MYH2: variants seen among roughly 807,000 people sequenced by gnomAD.
MYH2 encodes myosin heavy chain 2, also known as myosin-2.
MYH2 carries 139 observed loss-of-function variants against 228.1 expected under a neutral mutation model. That is an observed-to-expected ratio of 0.61 (90% CI 0.53 to 0.70). The LOEUF (loss-of-function observed/expected upper bound fraction) is 0.70, where lower values mean the gene tolerates loss of function less well. MYH2 is among the 30% of genes least tolerant of loss of function. The pLI is 0.00. For missense variants in MYH2, 1,809 were observed against 2,357.5 expected (o/e 0.77, Z 4.82); for synonymous variants, 796 against 871.1 (o/e 0.91, Z 1.52).
intron 22 of MYH2, among the ~76,000 whole-genome samples, chr17:10,530,913 A>G (rs765299542): frequency 1.4e-4 from 22 of 152,226 alleles, no homozygotes; most frequent in Non-Finnish European, 2.5e-4. Context: ...AGAAAAAAAT[A>G]TGACTTTATG....
rs1416226005 is a variant in MYH2, at chr17:10,533,306, T to C, written c.2420A>G (p.Tyr807Cys). 1 of 1,614,180 alleles carries C rather than the reference T, an allele frequency of 6.2e-7. No homozygotes were observed. Among genetic ancestry groups the C allele is most frequent in the South Asian group, 1.1e-5 (1 of 91,078 alleles). Reference sequence around the variant, plus strand: ...ATACCTTCTCTCCACCATCCTCTGGTACTCCACTCTTGCCAAGAACCCTCT... The same window carrying C: ...ATACCTTCTCTCCACCATCCTCTGGCACTCCACTCTTGCCAAGAACCCTCT... Reference protein sequence around the residue: ...RCRGFLARVEYQRMVERREAI... With the variant: ...RCRGFLARVECQRMVERREAI... Residue 807 changes from tyrosine (Y) to cysteine (C), a missense_variant, in exon 21 of 40, where the codon TAC (tyrosine) becomes TGC (cysteine). Physicochemically the swap from Tyr to Cys is radical, Grantham distance 194. This residue lies in a region of MYH2 where 276 missense variants were observed against 344.2 expected (regional missense o/e 0.80). Coordinates refer to ENST00000245503, the MANE Select transcript of MYH2 (RefSeq NM_017534.6).
chr17:10,541,802 C>T (rs1597456742), intron 10 of MYH2, among the ~76,000 whole-genome samples: 1 of 152,136 alleles, frequency 6.6e-6, no homozygotes, highest in African/African-American at 2.4e-5. Flanking sequence ...CCAGCCAGCA[C>T]TTAGGAAATA....
intron 4 of MYH2, among the ~76,000 whole-genome samples, chr17:10,547,067 G>T (rs940649199): frequency 1.3e-5 from 2 of 152,082 alleles, no homozygotes; most frequent in African/African-American, 2.4e-5. Context: ...CTCCAGCCTG[G>T]GACACAGAGC....
intron 10 of MYH2, among the ~76,000 whole-genome samples, chr17:10,540,947 G>A (rs543342474): frequency 1.3e-5 from 2 of 152,214 alleles, no homozygotes; most frequent in African/African-American, 4.8e-5. Flanking sequence ...AAATTGTGAC[G>A]ATTTCATGGA....
intron 19 of MYH2, among the ~76,000 whole-genome samples, chr17:10,534,593 G>T (rs2073461346): frequency 6.6e-6 from 1 of 152,182 alleles, no homozygotes; most frequent in African/African-American, 2.4e-5. Context: ...AATTCCACAA[G>T]GTGCTTAAAA....
Position 10,545,035 on chromosome 17 carries a change from A to G in MYH2, c.505+311T>C, listed in dbSNP as rs62060666. Among the ~76,000 whole-genome samples, 61,099 of 150,548 alleles carry G rather than the reference A, an allele frequency of 0.41. 13,356 individuals carry two copies. Among genetic ancestry groups the G allele is most frequent in the East Asian group, 0.83 (4,294 of 5,152 alleles). The stretch of plus-strand genomic sequence containing the variant: ...CATGAGTGTGTGTGTGTGTGTGTAT[A>G]TATACATACACAGAAATATTTGTAT... On this transcript the variant is annotated intron_variant, in intron 5 of 39. Coordinates refer to ENST00000245503, the MANE Select transcript of MYH2 (RefSeq NM_017534.6).
intron 39 of MYH2, among the ~76,000 whole-genome samples, chr17:10,521,751 T>C (rs2073288073): frequency 6.6e-6 from 1 of 152,098 alleles, no homozygotes; most frequent in African/African-American, 2.4e-5. Flanking sequence ...ATGCTTGCTA[T>C]AAGATGATGA....
intron 17 of MYH2, among the ~76,000 whole-genome samples, chr17:10,536,310 T>C (rs989471640): frequency 2.0e-5 from 3 of 152,024 alleles, no homozygotes; most frequent in South Asian, 2.1e-4. Flanking sequence ...CCAAAACCTA[T>C]TGAAATAAAA....
In MYH2 at chr17:10,521,293, A is replaced by G; in HGVS notation, c.5813T>C (p.Ile1938Thr). 12 of 1,613,880 alleles carry G rather than the reference A, an allele frequency of 7.4e-6. No individual in the cohort carries two copies. Among genetic ancestry groups the G allele is most frequent in the Non-Finnish European group, 1.0e-5 (12 of 1,180,014 alleles). ...ATCAGGACATGATCACTCTTCACTT[A>G]TGACTTTTGTGTGAACCTCCCGGCT... ...VKSREVHTKV[I>T]SEE The change falls in exon 40 of 40, where the codon ATA (isoleucine) becomes ACA (threonine). Residue 1938 changes from isoleucine to threonine, a missense_variant. Physicochemically the swap from Ile to Thr is moderately conservative, Grantham distance 89. Around this residue, in one of 9 missense-constraint regions of MYH2, gnomAD observed 278 missense variants for 308.5 expected, o/e 0.90. Coordinates refer to ENST00000245503, the MANE Select transcript of MYH2 (RefSeq NM_017534.6).
rs139196902 is a variant in MYH2, at chr17:10,533,527, A to G, written c.2286T>C (p.Tyr762=). Residue 762 remains tyrosine (Y), a synonymous_variant, in exon 20 of 40, where the codon TAT becomes TAC. Coordinates refer to ENST00000245503, the MANE Select transcript of MYH2 (RefSeq NM_017534.6). ...LASIDIDHTQ[Y]KFGHTKVFFK... is the part of the protein sequence containing the mutation. The stretch of plus-strand genomic sequence containing the variant: ...AAATTACCTTGGTGTGCCCAAATTT[A>G]TACTGGGTGTGGTCAATGTCGATGG... 2.0e-5 allele frequency: 33 copies of G among 1,614,074 alleles called. No homozygotes were observed. In the African/African-American group the frequency reaches 4.4e-4, roughly 22 times the overall value.
chr17:10,525,494 C>A lies in MYH2; in HGVS notation c.4494G>T (p.Leu1498Phe). ...CTCGCTTCAGGGTTTCTAGCTGATC[C>A]AAAGATTCCTCATAGGCATTCTTTA... ...FKIKNAYEES[L>F]DQLETLKREN... The change falls in exon 32 of 40, where the codon TTG (leucine) becomes TTT (phenylalanine). Residue 1498 changes from leucine (L) to phenylalanine (F), a missense_variant. Coordinates refer to ENST00000245503, the MANE Select transcript of MYH2 (RefSeq NM_017534.6). This position sits in a 1 kb window ranked among gnomAD's most constrained non-coding sequence, Gnocchi z 4.2. 1 of 1,614,174 alleles carries A rather than the reference C, an allele frequency of 6.2e-7. No individual in the cohort carries two copies. The highest frequency in any genetic ancestry group is 1.1e-5 in the South Asian group (1 of 91,070).
Position 10,524,961 on chromosome 17 carries a change from A to G in MYH2, c.4767T>C (p.Ile1589=). ...DRKIAEKDEE[I]DQLKRNHIRI... Reference sequence around the variant, plus strand: ...TAATGTGGTTTCTCTTCAGCTGGTCAATTTCCTCATCTTTTTCAGCAATTT... The same window carrying G: ...TAATGTGGTTTCTCTTCAGCTGGTCGATTTCCTCATCTTTTTCAGCAATTT... Residue 1589 remains isoleucine (I), a synonymous_variant, in exon 34 of 40, where the codon ATT becomes ATC. Transcript: ENST00000245503. The surrounding 1 kb of genome is among the most constrained non-coding windows in gnomAD (Gnocchi z 4.7). 1.2e-6 allele frequency: 2 copies of G among 1,614,006 alleles called. No individual in the cohort carries two copies. Among genetic ancestry groups the G allele is most frequent in the East Asian group, 2.2e-5 (1 of 44,864 alleles).
intron 11 of MYH2, among the ~76,000 whole-genome samples, chr17:10,540,330 G>A (rs2073535178): frequency 2.0e-5 from 3 of 149,230 alleles, no homozygotes; most frequent in Admixed American, 6.7e-5. Flanking sequence ...TATTTTGAGA[G>A]ATGGTAGGAA....
At position 10,525,088 on chromosome 17, in the gene MYH2, A is replaced by G; in HGVS notation, c.4663-23T>C. 1 of 1,614,164 alleles carries G rather than the reference A, an allele frequency of 6.2e-7. No homozygotes were observed. Among genetic ancestry groups the G allele is most frequent in the Non-Finnish European group, 8.5e-7 (1 of 1,180,032 alleles). On this transcript the variant is annotated intron_variant, in intron 33 of 39. Transcript: ENST00000245503. This position sits in a 1 kb window ranked among gnomAD's most constrained non-coding sequence, Gnocchi z 4.2. ...TGCCTTAATGACAGCAAGAGGTGAC[A>G]TTAGCAAGGAACCAAAAGCTTTATG... is the stretch of plus-strand genomic sequence containing the variant.
At position 10,529,637 on chromosome 17, in the gene MYH2, T is replaced by C. The variant is rs1436376181; in HGVS notation, c.3044A>G (p.Asp1015Gly). 17 of 1,614,038 alleles carry C rather than the reference T, an allele frequency of 1.1e-5. No homozygotes were observed. The highest frequency in any genetic ancestry group is 1.4e-5 in the Non-Finnish European group (17 of 1,180,046). Residue 1015 changes from aspartate (D) to glycine (G), a missense_variant, in exon 24 of 40, where the codon GAC (aspartate) becomes GGC (glycine). Transcript: ENST00000245503. ...LQEAHQQTLD[D>G]LQAEEDKVNT... ...GACTTTGTCCTCCTCTGCCTGCAGG[T>C]CATCCAGGGTCTGCTGGTGGGCCTC...
intron 5 of MYH2, 73 bp downstream of exon 5, chr17:10,545,273 T>C (rs555973418): frequency 6.2e-7 from 1 of 1,610,684 alleles, no homozygotes; most frequent in African/African-American, 1.3e-5. Flanking sequence ...TGTGTTGAGA[T>C]TGCCTCGAGT....
Position 10,523,132 on chromosome 17 carries a change from A to C in MYH2, c.5631T>G (p.Leu1877=), listed in dbSNP as rs1256629864. Residue 1877 remains leucine, a synonymous_variant, in exon 39 of 40, where the codon CTT becomes CTG. Transcript: ENST00000245503. The part of the protein sequence containing the change: ...ILRLQDLVDK[L]QAKVKSYKRQ... The stretch of plus-strand genomic sequence containing the variant: ...TCTTATAAGATTTCACTTTTGCCTG[A>C]AGTTTATCTACCAAATCTTGAAGCC... The C allele has an allele frequency of 2.5e-6, 4 of 1,614,078 alleles. No individual in the cohort carries two copies. The East Asian group carries it at 8.9e-5, about 36-fold the overall frequency.
chr17:10,542,520 T>TA, intron 10 of MYH2, among the ~76,000 whole-genome samples: 1 of 152,306 alleles, frequency 6.6e-6, no homozygotes, highest in Admixed American at 6.5e-5. Flanking sequence ...AATTGCTCAG[T>TA]AAAAAAGTAG....
rs748045944 is a variant in MYH2 at position 10,547,773 on chromosome 17, C to G, written c.148G>C (p.Gly50Arg). ...CCTCCTTCTCTGCTCTGGATGGTCCCTTTGACAAAGGATTCTTTGGGCTCC... is the reference window on the plus strand; with the variant it reads ...CCTCCTTCTCTGCTCTGGATGGTCCGTTTGACAAAGGATTCTTTGGGCTCC... ...VAEPKESFVK[G>R]TIQSREGGKV... Residue 50 changes from glycine (G) to arginine (R), a missense_variant, in exon 3 of 40, where the codon GGG becomes CGG. By Grantham distance (125) the Gly-to-Arg change is moderately radical. Around this residue, in one of 9 missense-constraint regions of MYH2, gnomAD observed 84 missense variants for 81.8 expected, o/e 1.03. Coordinates refer to ENST00000245503, the MANE Select transcript of MYH2 (RefSeq NM_017534.6). The G allele has an allele frequency of 1.2e-6, 2 of 1,614,230 alleles. No homozygotes were observed.
Sources: gnomAD v4.1 joint callset for allele counts (sites outside exome capture counted in the v4.1 genomes callset) on GRCh38, gnomAD v4.1.1 for gene constraint, gnomAD v4.1.1 regional missense constraint, Gnocchi (gnomAD v3.1) non-coding constraint, MANE v1.5 for transcripts, NCBI Gene and HGNC (gene_info 2026-07-23, HGNC 2026-07-21) for gene names.